PPARGC1A: variants seen among roughly 807,000 people sequenced by gnomAD.
PPARGC1A encodes PPARG coactivator 1 alpha, also known as peroxisome proliferator-activated receptor gamma coactivator 1-alpha.
Under a neutral mutation model 88.7 loss-of-function variants are expected in PPARGC1A, and 25 were observed. The ratio of observed to expected loss-of-function variants is 0.28; its 90% CI spans 0.21 to 0.39. The LOEUF (loss-of-function observed/expected upper bound fraction) is 0.39, where lower values mean the gene tolerates loss of function less well. PPARGC1A is among the 10% of genes least tolerant of loss of function. The probability of loss-of-function intolerance (pLI) is 1.00; values close to 1 mark genes in which losing one functional copy is unlikely to be tolerated. For missense variants in PPARGC1A, 880 were observed against 968.7 expected (o/e 0.91, Z 1.22); for synonymous variants, 363 against 355.6 (o/e 1.02, Z -0.24).
the PPARGC1A span, among the ~76,000 whole-genome samples, chr4:24,396,947 T>G: frequency 6.6e-6 from 1 of 152,182 alleles, no homozygotes; most frequent in African/African-American, 2.4e-5. Flanking sequence ...GCATCCTCTA[T>G]TCCAAGACTC....
chr4:24,271,683 T>A, the PPARGC1A span, among the ~76,000 whole-genome samples: 1 of 152,140 alleles, frequency 6.6e-6, no homozygotes, highest in African/African-American at 2.4e-5. Flanking sequence ...TCTCAGTGGG[T>A]CCTTTTACTT....
the PPARGC1A span, among the ~76,000 whole-genome samples, chr4:24,208,682 AATAT>A: frequency 9.0e-4 from 122 of 134,980 alleles, 1 homozygote; most frequent in South Asian, 3.1e-3. Context: ...TCAGAAAAAA[AATAT>A]ATATATATAT....
At chr4:23,904,345 C>G (rs1023110969), upstream of PPARGC1A, among the ~76,000 whole-genome samples, 1 of 152,180 alleles carries the variant, frequency 6.6e-6, no homozygotes, top group Non-Finnish European at 1.5e-5. Context: ...AACCCTAGTT[C>G]AGAGGCACTA....
At chr4:24,470,222 C>G in the PPARGC1A span, among the ~76,000 whole-genome samples, 2 of 151,388 alleles carry the variant, frequency 1.3e-5, no homozygotes, top group African/African-American at 4.9e-5. The surrounding 1 kb of genome is among the most constrained non-coding windows in gnomAD (Gnocchi z 5.8). Flanking sequence ...CTTTCGTACC[C>G]GCCTCAGTCC....
the PPARGC1A span, among the ~76,000 whole-genome samples, chr4:23,910,333 T>A: frequency 2.6e-4 from 15 of 58,712 alleles, no homozygotes; most frequent in Non-Finnish European, 3.3e-4. Flanking sequence ...TATTATATAT[T>A]ATATATATTA....
chr4:24,393,900 C>T, the PPARGC1A span, among the ~76,000 whole-genome samples: 1 of 152,142 alleles, frequency 6.6e-6, no homozygotes, highest in Admixed American at 6.6e-5. Flanking sequence ...AGGAGGATGG[C>T]GTGAGGCCAG....
chr4:23,938,293 G>T, the PPARGC1A span, among the ~76,000 whole-genome samples: 2 of 152,182 alleles, frequency 1.3e-5, no homozygotes, highest in Admixed American at 6.5e-5. Context: ...TCCCTCCCTG[G>T]AAGGTAGAGG....
At chr4:24,101,808 C>T in the PPARGC1A span, among the ~76,000 whole-genome samples, 4 of 152,264 alleles carry the variant, frequency 2.6e-5, no homozygotes, top group South Asian at 2.1e-4. Flanking sequence ...TCCCAGAATA[C>T]GTTCATGGAT....
At chr4:24,318,667 C>T in the PPARGC1A span, among the ~76,000 whole-genome samples, 2 of 152,322 alleles carry the variant, frequency 1.3e-5, no homozygotes, top group East Asian at 3.9e-4. Context: ...ACCAGGCTAT[C>T]GCCTAAATCA....
At chr4:23,836,727 T>C (rs1726087437) in intron 2 of PPARGC1A, among the ~76,000 whole-genome samples, 1 of 152,190 alleles carries the variant, frequency 6.6e-6, no homozygotes, top group Admixed American at 6.5e-5. Flanking sequence ...GGGGCACCTC[T>C]ACATTAAAAT....
chr4:23,845,070 G>A (rs73243616), intron 2 of PPARGC1A, among the ~76,000 whole-genome samples: 6 of 151,546 alleles, frequency 4.0e-5, no homozygotes, highest in African/African-American at 9.7e-5. Context: ...CAGGAGGGGG[G>A]TGATAGGCAA....
chr4:23,954,922 T>C, the PPARGC1A span, among the ~76,000 whole-genome samples: 1 of 152,080 alleles, frequency 6.6e-6, no homozygotes, highest in Non-Finnish European at 1.5e-5. Context: ...TCTCCTGTTT[T>C]ACTGCTGTCT....
At chr4:24,004,410 A>T in the PPARGC1A span, among the ~76,000 whole-genome samples, 151 of 152,372 alleles carry the variant, frequency 9.9e-4, 2 homozygotes, top group African/African-American at 3.5e-3. Context: ...AGTCCACATC[A>T]GTTGGGATGA....
the PPARGC1A span, among the ~76,000 whole-genome samples, chr4:24,209,598 C>T: frequency 6.6e-6 from 1 of 152,124 alleles, no homozygotes; most frequent in African/African-American, 2.4e-5. Context: ...CCTGTGCTAG[C>T]TAGTAGATTT....
At chr4:24,378,920 C>G in the PPARGC1A span, among the ~76,000 whole-genome samples, 2 of 152,108 alleles carry the variant, frequency 1.3e-5, no homozygotes, top group Non-Finnish European at 2.9e-5. Flanking sequence ...ACAAAAACAT[C>G]TAAAGGGTTA....
the PPARGC1A span, among the ~76,000 whole-genome samples, chr4:23,998,432 AT>A: frequency 1.6e-3 from 239 of 147,806 alleles, 1 homozygote; most frequent in African/African-American, 4.8e-3. Context: ...ACCTACGGCA[AT>A]TTTTTTTTTT....
rs1032507037 is a variant in PPARGC1A at position 23,795,213 on chromosome 4, C to T, written c.*609G>A. On this transcript the variant is annotated 3_prime_UTR_variant, in exon 13 of 13. Transcript: ENST00000264867. ...CAGAGTACAAAGGCTGATGCCCAGACATCAGCGGCTGTCATTTTAGGGTGG... is the reference window on the plus strand; with the variant it reads ...CAGAGTACAAAGGCTGATGCCCAGATATCAGCGGCTGTCATTTTAGGGTGG... 6.6e-6 allele frequency: 1 copy of T among 150,624 alleles called. No individual in the cohort carries two copies. The highest frequency in any genetic ancestry group is 1.5e-5 in the Non-Finnish European group (1 of 67,666). 9.3% of individuals were successfully genotyped at this position (150,624 alleles called of 1,614,324 possible).
chr4:23,896,082 G>T (rs986022496), intron 1 of PPARGC1A, among the ~76,000 whole-genome samples: 1 of 150,576 alleles, frequency 6.6e-6, no homozygotes, highest in Non-Finnish European at 1.5e-5. Flanking sequence ...AATACATTAG[G>T]GTTTAAAATG....
chr4:23,892,007 A>G (rs186233148), upstream of PPARGC1A, among the ~76,000 whole-genome samples: 410 of 152,324 alleles, frequency 2.7e-3, 3 homozygotes, highest in Admixed American at 4.2e-3. Flanking sequence ...GTCAATGTTT[A>G]TTAATTATTA....
Sources: gnomAD v4.1 joint callset for allele counts (sites outside exome capture counted in the v4.1 genomes callset) on GRCh38, gnomAD v4.1.1 for gene constraint, Gnocchi (gnomAD v3.1) non-coding constraint, MANE v1.5 for transcripts, NCBI Gene and HGNC (gene_info 2026-07-23, HGNC 2026-07-21) for gene names.